The following MYH3 variants were observed in gnomAD, a reference collection of about 807,000 sequenced individuals.
The protein encoded by MYH3 is myosin-3.
In MYH3, 130 loss-of-function variants were observed where a neutral mutation model predicts 238.0. The observed-to-expected ratio is 0.55, with a 90% confidence interval of 0.47 to 0.63. The LOEUF (loss-of-function observed/expected upper bound fraction) is 0.63, where lower values mean the gene tolerates loss of function less well. MYH3 is among the 30% of genes least tolerant of loss of function. The pLI is 0.00. For synonymous variants in MYH3, 880 were observed against 924.1 expected (o/e 0.95, Z 0.86); for missense variants, 1,853 against 2,374.9 (o/e 0.78, Z 4.57).
chr17:10,640,313 G>A lies in MYH3; in HGVS notation c.2426+20C>T. On this transcript the variant is annotated intron_variant, in intron 21 of 40. Coordinates refer to ENST00000583535, the MANE Select transcript of MYH3 (RefSeq NM_002470.4). The stretch of plus-strand genomic sequence containing the variant: ...CCCCTTCCCCAAAGAGCTCATGTCT[G>A]AACAAAGACCCTGCTGGACCTCCTC... 6.2e-7 allele frequency: 1 copy of A among 1,614,196 alleles called. No individual in the cohort carries two copies. Among genetic ancestry groups the A allele is most frequent in the Non-Finnish European group, 8.5e-7 (1 of 1,180,040 alleles).
chr17:10,646,659 G>C (rs1223000981), intron 10 of MYH3, among the ~76,000 whole-genome samples: 1 of 152,236 alleles, frequency 6.6e-6, no homozygotes, highest in East Asian at 1.9e-4. Context: ...ATAAACCAGA[G>C]CTGGTCAGGA....
At chr17:10,633,933 GTGA>G (rs1385307470) in intron 32 of MYH3, 81 bp downstream of exon 32, 10 of 1,554,658 alleles carry the variant, frequency 6.4e-6, no homozygotes, top group South Asian at 1.1e-5. Context: ...AGGAAACTGA[GTGA>G]TGAAGCCACA....
upstream of MYH3, among the ~76,000 whole-genome samples, chr17:10,660,921 A>G (rs372809089): frequency 1.6e-3 from 240 of 146,926 alleles, 1 homozygote; most frequent in African/African-American, 5.0e-3. Context: ...GGAGGCAGAC[A>G]TTGCAGTAAG....
chr17:10,629,605 A>T lies in MYH3; in HGVS notation c.5788T>A (p.Ser1930Thr), dbSNP rs781043150. The change falls in exon 40 of 41, where the codon TCC (serine) becomes ACC (threonine). Residue 1930 changes from serine to threonine, a missense_variant. Coordinates refer to ENST00000583535, the MANE Select transcript of MYH3 (RefSeq NM_002470.4). Reference sequence around the variant, plus strand: ...CCAGCTCAGCGACTCACCCTGCTGGAGGTGAAGTCTCGAGTCTTAGCGCGG... The same window carrying T: ...CCAGCTCAGCGACTCACCCTGCTGGTGGTGAAGTCTCGAGTCTTAGCGCGG... The part of the protein sequence containing the change: ...KLRAKTRDFT[S>T]SRMVVHESEE The T allele has an allele frequency of 7.4e-6, 12 of 1,613,248 alleles. No individual in the cohort carries two copies. The highest frequency in any genetic ancestry group is 1.0e-5 in the Non-Finnish European group (12 of 1,180,018).
upstream of MYH3, among the ~76,000 whole-genome samples, chr17:10,659,789 G>A (rs1235575089): frequency 1.3e-5 from 2 of 152,206 alleles, no homozygotes; most frequent in Non-Finnish European, 2.9e-5. Context: ...GGAAACCGAA[G>A]GCAGGAGCCA....
chr17:10,630,214 G>A lies in MYH3; in HGVS notation c.5458-18C>T. 1 of 1,614,142 alleles carries A rather than the reference G, an allele frequency of 6.2e-7. No individual in the cohort carries two copies. Among genetic ancestry groups the A allele is most frequent in the Non-Finnish European group, 8.5e-7 (1 of 1,180,018 alleles). ...TCTCGGATCTGGGGGAGAGGGTGGG[G>A]AAATTAGTCTGGGGCTGCAGCGTGA... On this transcript the variant is annotated intron_variant, in intron 37 of 40. Transcript: ENST00000583535.
chr17:10,634,061 A>C lies in MYH3; in HGVS notation c.4478T>G (p.Leu1493Ter). 6.2e-7 allele frequency: 1 copy of C among 1,614,172 alleles called. No individual in the cohort carries two copies. Among genetic ancestry groups the C allele is most frequent in the African/African-American group, 1.3e-5 (1 of 75,040 alleles). ...FKLKNAYEEA[L>*]DQLETVKREN... ...CCGTTTCACAGTTTCAAGTTGATCT[A>C]AGGCTTCCTCGTAGGCATTTTTCAG... Residue 1493 changes from leucine to a stop codon, truncating the protein, a stop_gained, in exon 32 of 41, where the codon TTA becomes TGA. Transcript: ENST00000583535. LOFTEE classifies it high-confidence loss of function.
At chr17:10,639,835 T>A in intron 22 of MYH3, 33 bp from the exon 23 acceptor site, 2 of 1,612,776 alleles carry the variant, frequency 1.2e-6, no homozygotes, top group South Asian at 1.1e-5. Flanking sequence ...CTTCGTTGAA[T>A]GATATAAGGT....
At chr17:10,657,058 C>T (rs1211633962) in intron 1 of MYH3, among the ~76,000 whole-genome samples, 1 of 152,066 alleles carries the variant, frequency 6.6e-6, no homozygotes, top group Non-Finnish European at 1.5e-5. Context: ...GGAGAGAGAA[C>T]CTGCAGGGCT....
Position 10,635,555 on chromosome 17 carries a change from G to A in MYH3, c.3984C>T (p.Asn1328=), listed in dbSNP as rs145720357. The A allele has an allele frequency of 1.0e-4, 162 of 1,614,126 alleles. No homozygotes were observed. Among genetic ancestry groups the A allele is most frequent in the Non-Finnish European group, 1.3e-4 (148 of 1,180,056 alleles). Residue 1328 remains asparagine, a synonymous_variant, in exon 30 of 41, where the codon AAC becomes AAT. Coordinates refer to ENST00000583535, the MANE Select transcript of MYH3 (RefSeq NM_002470.4). ...RQLEEENKAK[N]ALAHALQSSR... Reference sequence around the variant, plus strand: ...AGGACTGCAGGGCGTGCGCCAGGGCGTTCTTGGCCTGCAGAAGTTAAAAAG... The same window carrying A: ...AGGACTGCAGGGCGTGCGCCAGGGCATTCTTGGCCTGCAGAAGTTAAAAAG...
intron 14 of MYH3, among the ~76,000 whole-genome samples, chr17:10,643,264 A>G (rs2074289687): frequency 6.6e-6 from 1 of 152,128 alleles, no homozygotes; most frequent in Non-Finnish European, 1.5e-5. Context: ...TCAATGTGCC[A>G]TATAGACTTC....
At chr17:10,640,997 A>G in intron 19 of MYH3, 88 bp downstream of exon 19, 2 of 1,098,384 alleles carry the variant, frequency 1.8e-6, no homozygotes. Flanking sequence ...CTTTCGAAAT[A>G]GGTCTTTTCA....
rs761431043 is a variant in MYH3, at chr17:10,635,858, G to A, written c.3857-5C>T. On this transcript the variant is annotated splice_region_variant and splice_polypyrimidine_tract_variant and intron_variant, in intron 28 of 40. Coordinates refer to ENST00000583535, the MANE Select transcript of MYH3 (RefSeq NM_002470.4). The stretch of plus-strand genomic sequence containing the variant: ...CCAGCTGACGACTCAGCTCACCTGT[G>A]TCCAGAAGGAAATAGTTTCATTTCA... 1 of 1,606,270 alleles carries A rather than the reference G, an allele frequency of 6.2e-7. No homozygotes were observed. Among genetic ancestry groups the A allele is most frequent in the East Asian group, 2.2e-5 (1 of 44,836 alleles).
chr17:10,634,401 C>A (rs2074193829), intron 31 of MYH3, among the ~76,000 whole-genome samples: 1 of 152,120 alleles, frequency 6.6e-6, no homozygotes, highest in South Asian at 2.1e-4. Flanking sequence ...CAAATAGATC[C>A]TTTGAGAAGG....
At chr17:10,640,289 C>T (rs766660720) in intron 21 of MYH3, 38 bp from the exon 22 acceptor site, 2 of 1,614,182 alleles carry the variant, frequency 1.2e-6, no homozygotes, top group Non-Finnish European at 1.7e-6. Flanking sequence ...AGAGAGACTC[C>T]CCTTCCCCAA....
At chr17:10,673,955 G>A in the MYH3 span, 1 of 152,192 alleles carries the variant, frequency 6.6e-6, no homozygotes, top group Non-Finnish European at 1.5e-5. Flanking sequence ...TGTTTCATGG[G>A]AGCGAAATTA....
In MYH3 at chr17:10,651,637, T is replaced by C; in HGVS notation, c.380A>G (p.Asn127Ser). The C allele has an allele frequency of 6.2e-7, 1 of 1,613,926 alleles. No homozygotes were observed. Among genetic ancestry groups the C allele is most frequent in the Non-Finnish European group, 8.5e-7 (1 of 1,179,988 alleles). Residue 127 changes from asparagine (N) to serine (S), a missense_variant, in exon 5 of 41, where the codon AAC (asparagine) becomes AGC (serine). Physicochemically the swap from Asn to Ser is conservative, Grantham distance 46 (BLOSUM62 1). Around this residue, in one of 3 missense-constraint regions of MYH3, gnomAD observed 678 missense variants for 1,058.9 expected, o/e 0.64. Coordinates refer to ENST00000583535, the MANE Select transcript of MYH3 (RefSeq NM_002470.4). ...GTACACCGGCAGCCACTTGTAGGGG[T>C]TGACAGTGACACAGAAGAGGCCTGA... ...TYSGLFCVTV[N>S]PYKWLPVYNP...
chr17:10,663,837 T>C, the MYH3 span, among the ~76,000 whole-genome samples: 1 of 151,894 alleles, frequency 6.6e-6, no homozygotes, highest in Admixed American at 6.6e-5. Flanking sequence ...CCGAGACAGG[T>C]GGATCACCTT....
chr17:10,658,057 C>G (rs2074451659), upstream of MYH3, among the ~76,000 whole-genome samples: 1 of 152,080 alleles, frequency 6.6e-6, no homozygotes, highest in Non-Finnish European at 1.5e-5. Context: ...GGACCTGTGG[C>G]TATTAAGACA....
Sources: allele counts gnomAD v4.1 joint callset (sites outside exome capture counted in the v4.1 genomes callset), GRCh38; gene constraint gnomAD v4.1.1; regional missense constraint gnomAD v4.1.1; transcripts MANE v1.5; gene names NCBI Gene and HGNC (gene_info 2026-07-23, HGNC 2026-07-21).